Variants in PRELID2 observed in about 807,000 individuals in gnomAD.
PRELID2 encodes the protein PRELI domain containing 2, also known as PRELI domain-containing protein 2.
In PRELID2, 25 loss-of-function variants were observed where a neutral mutation model predicts 28.4. The ratio of observed to expected loss-of-function variants is 0.88; its 90% CI spans 0.64 to 1.23. The LOEUF is 1.23. Ranked by LOEUF, PRELID2 falls within the 50% of genes most tolerant of loss-of-function variation. The pLI, the probability that PRELID2 is intolerant of heterozygous loss-of-function variation, is 0.00. For missense variants in PRELID2, 201 were observed against 214.4 expected, an observed-to-expected ratio of 0.94 and a Z score of 0.39; for synonymous variants, 76 against 71.6, an observed-to-expected ratio of 1.06 and a Z score of -0.31.
At chr5:145,341,745 TG>T in the PRELID2 span, among the ~76,000 whole-genome samples, 2 of 151,700 alleles carry the variant, frequency 1.3e-5, no homozygotes, top group Non-Finnish European at 2.9e-5. Context: ...GCAAAGCATT[TG>T]TAACATTTGG....
intron 1 of PRELID2, among the ~76,000 whole-genome samples, chr5:145,697,993 A>AAAT (rs914808515): frequency 4.0e-5 from 6 of 149,894 alleles, no homozygotes; most frequent in African/African-American, 1.5e-4. Context: ...CCTCAAAAAA[A>AAAT]ATATATATAT....
the PRELID2 span, among the ~76,000 whole-genome samples, chr5:145,334,453 A>G: frequency 6.6e-6 from 1 of 152,196 alleles, no homozygotes. Context: ...TCTTTTAAAA[A>G]TACTTTTGTC....
the PRELID2 span, chr5:145,437,195 G>T: frequency 6.6e-6 from 1 of 152,140 alleles, no homozygotes; most frequent in Non-Finnish European, 1.5e-5. Flanking sequence ...TGCTGAGGAG[G>T]CGTTGAGAAA....
At chr5:145,567,655 G>A (rs1295970381) in intron 1 of PRELID2, among the ~76,000 whole-genome samples, 1 of 152,132 alleles carries the variant, frequency 6.6e-6, no homozygotes, top group African/African-American at 2.4e-5. Context: ...TGGGATTACA[G>A]GTGTGAGCCA....
chr5:145,813,316 C>T (rs1754078104), intron 4 of PRELID2, among the ~76,000 whole-genome samples: 1 of 152,188 alleles, frequency 6.6e-6, no homozygotes, highest in African/African-American at 2.4e-5. Flanking sequence ...CACCCCATCC[C>T]ATTACCCATT....
chr5:145,729,224 G>T, intron 1 of PRELID2: 1 of 863,548 alleles, frequency 1.2e-6, no homozygotes, highest in South Asian at 1.4e-5. Flanking sequence ...AGAATGCCCT[G>T]AATCTTACAA....
chr5:145,522,759 G>A (rs896561788), intron 1 of PRELID2, among the ~76,000 whole-genome samples: 7 of 150,140 alleles, frequency 4.7e-5, no homozygotes, highest in African/African-American at 1.7e-4. Flanking sequence ...GGAAGAAAAA[G>A]GAGGAGGAGG....
At chr5:145,655,841 C>G (rs1754384037) in intron 1 of PRELID2, among the ~76,000 whole-genome samples, 1 of 152,102 alleles carries the variant, frequency 6.6e-6, no homozygotes, top group Admixed American at 6.6e-5. Flanking sequence ...TAGGCATGGC[C>G]AAGGACTTCA....
At position 145,740,896 on chromosome 5, in the gene PRELID2, C is replaced by A. The variant is rs868398280; in HGVS notation, n.70+24035G>T. 1.1e-4 allele frequency among the ~76,000 whole-genome samples: 10 copies of A among 90,458 alleles called. 1 individual carries two copies. The highest frequency in any genetic ancestry group is 3.9e-4 in the African/African-American group (9 of 23,342). 59.3% of individuals were successfully genotyped at this position (90,458 alleles called of 152,430 possible). A position where few individuals can be genotyped will look rare whatever the true frequency, so the allele number is the denominator to read the frequency against. On this transcript the variant is annotated intron_variant and non_coding_transcript_variant, in intron 1 of 2. Coordinates refer to the PRELID2 transcript ENST00000510259. ...TAAATATATATGTACATATATTTAT[C>A]GATAAATATATATGTACATATATTT... is the stretch of plus-strand genomic sequence containing the variant.
At chr5:145,562,654 G>T (rs955403817) in intron 1 of PRELID2, among the ~76,000 whole-genome samples, 24 of 152,140 alleles carry the variant, frequency 1.6e-4, no homozygotes, top group Admixed American at 1.4e-3. Context: ...GTGGGAAAAG[G>T]TACCAGAGTA....
At chr5:145,464,266 A>G in the PRELID2 span, among the ~76,000 whole-genome samples, 1 of 152,146 alleles carries the variant, frequency 6.6e-6, no homozygotes, top group Non-Finnish European at 1.5e-5. Context: ...ATGCAAATGT[A>G]TAGTTATTTA....
At chr5:145,668,870 A>C (rs1322069605) in intron 1 of PRELID2, among the ~76,000 whole-genome samples, 1 of 152,114 alleles carries the variant, frequency 6.6e-6, no homozygotes, top group African/African-American at 2.4e-5. Flanking sequence ...AGCCCTGGAG[A>C]TGATTGATTT....
Position 145,627,163 on chromosome 5 carries a change from G to A in PRELID2, n.70+137768C>T, listed in dbSNP as rs552201568. ...AAAAAAAAATTTGTGTATATATACCGTGGAATACAACTCAGCCATAAAAAA... is the reference window on the plus strand; with the variant it reads ...AAAAAAAAATTTGTGTATATATACCATGGAATACAACTCAGCCATAAAAAA... On this transcript the variant is annotated intron_variant and non_coding_transcript_variant, in intron 1 of 2. Transcript: ENST00000510259. Among the ~76,000 whole-genome samples the A allele has an allele frequency of 2.2e-3, 262 of 118,410 alleles. 4 individuals are homozygous for A. Among genetic ancestry groups the A allele is most frequent in the Middle Eastern group, 0.011 (2 of 180 alleles). 77.7% of individuals were successfully genotyped at this position (118,410 alleles called of 152,430 possible). A position where few individuals can be genotyped will look rare whatever the true frequency, so the allele number is the denominator to read the frequency against.
intron 5 of PRELID2, among the ~76,000 whole-genome samples, chr5:145,767,912 T>G (rs1757865998): frequency 6.6e-6 from 1 of 152,256 alleles, no homozygotes; most frequent in African/African-American, 2.4e-5. Context: ...ACTACACTCT[T>G]AAGAGGTACC....
chr5:145,796,638 T>C (rs747420913), intron 4 of PRELID2, 91 bp from the exon 5 acceptor site: 37 of 632,498 alleles, frequency 5.8e-5, no homozygotes, highest in Non-Finnish European at 9.4e-5. Flanking sequence ...TTACCACTTA[T>C]AATCAATAAA....
intron 1 of PRELID2, among the ~76,000 whole-genome samples, chr5:145,601,606 G>C (rs952783521): frequency 6.6e-6 from 1 of 152,164 alleles, no homozygotes; most frequent in Non-Finnish European, 1.5e-5. Flanking sequence ...GAGTTAATAA[G>C]AGAGTGAGAA....
At chr5:145,412,989 G>T in the PRELID2 span, among the ~76,000 whole-genome samples, 2 of 152,044 alleles carry the variant, frequency 1.3e-5, no homozygotes, top group African/African-American at 2.4e-5. Flanking sequence ...CCACCTCCAT[G>T]ATTCAATTAT....
the PRELID2 span, among the ~76,000 whole-genome samples, chr5:145,334,975 C>T: frequency 6.6e-4 from 101 of 151,922 alleles, no homozygotes; most frequent in Middle Eastern, 6.8e-3. Context: ...GGGTTGGGGA[C>T]CTTTGAGGTA....
chr5:145,695,585 G>A (rs1201632119), intron 1 of PRELID2, among the ~76,000 whole-genome samples: 1 of 152,132 alleles, frequency 6.6e-6, no homozygotes, highest in African/African-American at 2.4e-5. Context: ...CTGGCTCAGA[G>A]TCTCTTGTGG....
Sources: gnomAD v4.1 joint callset for allele counts (sites outside exome capture counted in the v4.1 genomes callset) on GRCh38, gnomAD v4.1.1 for gene constraint, MANE v1.5 for transcripts, NCBI Gene and HGNC (gene_info 2026-07-23, HGNC 2026-07-21) for gene names.